The following MTG1 variants were observed in gnomAD, a reference collection of about 807,000 sequenced individuals.
The protein encoded by MTG1 is mitochondrial ribosome-associated GTPase 1.
In MTG1, 30 loss-of-function variants were observed where a neutral mutation model predicts 39.5. The ratio of observed to expected loss-of-function variants is 0.76; its 90% CI spans 0.57 to 1.03. The LOEUF is 1.03. MTG1 is among the 50% of genes least tolerant of loss of function. The pLI is 0.00. For synonymous variants in MTG1, 217 were observed against 179.0 expected (o/e 1.21, Z -1.69); for missense variants, 513 against 447.4 (o/e 1.15, Z -1.32).
rs1849907999 is a variant in MTG1 at position 133,402,905 on chromosome 10, C to T, written c.752+132C>T. On this transcript the variant is annotated intron_variant, in intron 9 of 10. Coordinates refer to ENST00000317502, the MANE Select transcript of MTG1 (RefSeq NM_138384.4). This position sits in a 1 kb window ranked among gnomAD's most constrained non-coding sequence, Gnocchi z 4.7. ...ACGGTAACCTGCACATCGTTTAAAG[C>T]GTCCAGTTGGACAAGTTCGGGAGTA... is the stretch of plus-strand genomic sequence containing the variant. 7 of 687,972 alleles carry T rather than the reference C, an allele frequency of 1.0e-5. No homozygotes were observed. The highest frequency in any genetic ancestry group is 2.9e-5 in the Admixed American group (1 of 34,490). 42.6% of individuals were successfully genotyped at this position (687,972 alleles called of 1,614,324 possible). A position where few individuals can be genotyped will look rare whatever the true frequency, so the allele number is the denominator to read the frequency against.
chr10:133,412,929 T>G (rs572701069), intron 9 of MTG1, among the ~76,000 whole-genome samples: 1 of 152,362 alleles, frequency 6.6e-6, no homozygotes, highest in African/African-American at 2.4e-5. Flanking sequence ...TTCTGTTTCT[T>G]CTTGCTGTTC....
Position 133,420,030 on chromosome 10 carries a change from C to A in MTG1, c.870C>A (p.Asn290Lys). Residue 290 changes from asparagine (N) to lysine (K), a missense_variant, in exon 11 of 11, where the codon AAC becomes AAA. Physicochemically the swap from Asn to Lys is moderately conservative, Grantham distance 94. Coordinates refer to ENST00000317502, the MANE Select transcript of MTG1 (RefSeq NM_138384.4). ...CTGAACCCTCCCGTCCCCCAGGTAA[C>A]GTGAACATTATTCAGCCTAACTATC... ...QKVKVLTGTG[N>K]VNIIQPNYPA... 1 of 1,609,118 alleles carries A rather than the reference C, an allele frequency of 6.2e-7. No individual in the cohort carries two copies. The highest frequency in any genetic ancestry group is 8.5e-7 in the Non-Finnish European group (1 of 1,177,090).
Position 133,419,947 on chromosome 10 carries a change from G to A in MTG1, c.866-79G>A, listed in dbSNP as rs986639063. 12 of 1,491,336 alleles carry A rather than the reference G, an allele frequency of 8.0e-6. No homozygotes were observed. In the East Asian group the frequency reaches 1.1e-4, roughly 14 times the overall value. The allele number at this position is 1,491,336 out of a possible 1,614,324, so 92.4% of individuals were successfully genotyped here. A position where few individuals can be genotyped will look rare whatever the true frequency, so the allele number is the denominator to read the frequency against. On this transcript the variant is annotated intron_variant, in intron 10 of 10. Transcript: ENST00000317502. Reference sequence around the variant, plus strand: ...TGATGCCATCATGGAGCCTCTTAGGGCTGGTCCCTCAGGTGGGTAAGGGCT... The same window carrying A: ...TGATGCCATCATGGAGCCTCTTAGGACTGGTCCCTCAGGTGGGTAAGGGCT...
chr10:133,398,571 C>A, intron 4 of MTG1, 56 bp downstream of exon 4: 1 of 1,546,340 alleles, frequency 6.5e-7, no homozygotes, highest in South Asian at 1.2e-5. Flanking sequence ...GTTCGAGGAG[C>A]ATTATAAACT....
intron 1 of MTG1, chr10:133,394,629 C>A: frequency 8.0e-7 from 1 of 1,251,464 alleles, no homozygotes; most frequent in Non-Finnish European, 1.0e-6. Context: ...CTGTTCCCAG[C>A]AAGTTCCTTC....
chr10:133,400,895 G>A (rs1371506136), intron 6 of MTG1, among the ~76,000 whole-genome samples: 1 of 152,216 alleles, frequency 6.6e-6, no homozygotes, highest in Non-Finnish European at 1.5e-5. Context: ...CTCAAGGTTC[G>A]TCTGTGTTGT....
intron 9 of MTG1, among the ~76,000 whole-genome samples, chr10:133,415,122 T>TC (rs1392406567): frequency 1.3e-5 from 2 of 151,814 alleles, no homozygotes; most frequent in African/African-American, 4.8e-5. Flanking sequence ...GGCAGTACAG[T>TC]CCAGCTTCGG....
intron 9 of MTG1, among the ~76,000 whole-genome samples, chr10:133,417,877 A>T (rs1204634981): frequency 2.6e-5 from 4 of 152,266 alleles, no homozygotes; most frequent in Non-Finnish European, 4.4e-5. Context: ...ATAAAAGAGA[A>T]TACAAACAAA....
At chr10:133,418,593 G>C (rs2255024) in intron 9 of MTG1, among the ~76,000 whole-genome samples, 82,195 of 151,656 alleles carry the variant, frequency 0.54, 24,929 homozygotes, top group Non-Finnish European at 0.68. Context: ...TGTTACTCAG[G>C]GTTCTGATGC....
rs923142487 is a variant in MTG1 at position 133,420,792 on chromosome 10, G to A, written c.*627G>A. Reference sequence around the variant, plus strand: ...TGGGGCATGTTCAGGGCAGGGTTGAGGGGGACGCCCTGCACATGGCTTTGC... The same window carrying A: ...TGGGGCATGTTCAGGGCAGGGTTGAAGGGGACGCCCTGCACATGGCTTTGC... On this transcript the variant is annotated 3_prime_UTR_variant, in exon 11 of 11. Transcript: ENST00000317502. 6.6e-6 allele frequency: 1 copy of A among 152,474 alleles called. No homozygotes were observed. The highest frequency in any genetic ancestry group is 2.4e-5 in the African/African-American group (1 of 41,476). 9.4% of individuals were successfully genotyped at this position (152,474 alleles called of 1,614,324 possible). A position where few individuals can be genotyped will look rare whatever the true frequency, so the allele number is the denominator to read the frequency against.
chr10:133,404,663 A>C (rs1189455971), intron 9 of MTG1, among the ~76,000 whole-genome samples: 11 of 152,292 alleles, frequency 7.2e-5, no homozygotes, highest in African/African-American at 9.6e-5. Context: ...CATTGAAGAT[A>C]GATGGTTTTA....
Position 133,402,464 on chromosome 10 carries a change from T to C in MTG1, c.670+219T>C. The C allele has an allele frequency of 1.4e-6, 1 of 693,718 alleles. No individual in the cohort carries two copies. The highest frequency in any genetic ancestry group is 2.4e-6 in the Non-Finnish European group (1 of 412,506). 43.0% of individuals were successfully genotyped at this position (693,718 alleles called of 1,614,324 possible). On this transcript the variant is annotated intron_variant, in intron 8 of 10. Transcript: ENST00000317502. The surrounding 1 kb of genome is among the most constrained non-coding windows in gnomAD (Gnocchi z 4.7). ...CCCTGCCCCATGAGTGGCCTTCCCT[T>C]TCCCCATTTGACGGACCAGGGCAGA...
chr10:133,403,358 C>T (rs955953107), intron 9 of MTG1, among the ~76,000 whole-genome samples: 1 of 143,100 alleles, frequency 7.0e-6, no homozygotes, highest in African/African-American at 2.6e-5. Flanking sequence ...TCCCGTCACC[C>T]CCAGTCCCTG....
chr10:133,401,794 G>A, intron 7 of MTG1: 1 of 705,834 alleles, frequency 1.4e-6, no homozygotes, highest in Middle Eastern at 2.3e-4. Context: ...TTTGGGGAAG[G>A]CACGCTGTTT....
At chr10:133,403,932 T>C (rs1341800797) in intron 9 of MTG1, among the ~76,000 whole-genome samples, 2 of 152,132 alleles carry the variant, frequency 1.3e-5, no homozygotes, top group African/African-American at 4.8e-5. Context: ...AGATCAGTCT[T>C]TAACTTTGGC....
chr10:133,402,408 G>A lies in MTG1; in HGVS notation c.670+163G>A, dbSNP rs1404095210. On this transcript the variant is annotated intron_variant, in intron 8 of 10. Coordinates refer to ENST00000317502, the MANE Select transcript of MTG1 (RefSeq NM_138384.4). This position sits in a 1 kb window ranked among gnomAD's most constrained non-coding sequence, Gnocchi z 4.7. ...AGCTTAGTGTGAGAGCTGTAATAGT[G>A]CACAGCTGACAGGCACTGGTCACCA... The A allele has an allele frequency of 1.1e-5, 9 of 806,562 alleles. No homozygotes were observed. In the Admixed American group the frequency reaches 1.3e-4, roughly 12 times the overall value. 50.0% of individuals were successfully genotyped at this position (806,562 alleles called of 1,614,324 possible).
chr10:133,396,317 G>C (rs369704950), intron 3 of MTG1, 50 bp downstream of exon 3: 1 of 1,503,908 alleles, frequency 6.6e-7, no homozygotes, highest in Non-Finnish European at 9.2e-7. Context: ...GTGTTTTCCC[G>C]AGGTCGCTTG....
rs532136016 is a variant in MTG1 at position 133,395,222 on chromosome 10, T to C, written c.113-491T>C. 3.4e-4 allele frequency among the ~76,000 whole-genome samples: 52 copies of C among 152,066 alleles called. 1 individual carries two copies. The highest frequency in any genetic ancestry group is 5.6e-4 in the Non-Finnish European group (38 of 67,964). On this transcript the variant is annotated intron_variant, in intron 1 of 10. Coordinates refer to ENST00000317502, the MANE Select transcript of MTG1 (RefSeq NM_138384.4). ...TATCCTGGCCAGCATGGTGAAACCGTGTCTCTACTAAAAATACAAAAAATT... is the reference window on the plus strand; with the variant it reads ...TATCCTGGCCAGCATGGTGAAACCGCGTCTCTACTAAAAATACAAAAAATT...
At chr10:133,413,622 C>T (rs1301647773) in intron 9 of MTG1, among the ~76,000 whole-genome samples, 2 of 152,168 alleles carry the variant, frequency 1.3e-5, no homozygotes, top group Non-Finnish European at 2.9e-5. Flanking sequence ...AACGATTCTA[C>T]TGTATCTTCT....
Sources: allele counts gnomAD v4.1 joint callset (sites outside exome capture counted in the v4.1 genomes callset), GRCh38; gene constraint gnomAD v4.1.1; non-coding constraint Gnocchi (gnomAD v3.1); transcripts MANE v1.5; gene names NCBI Gene and HGNC (gene_info 2026-07-23, HGNC 2026-07-21).